Variants in PPFIA2 observed in about 807,000 individuals in gnomAD.
The protein encoded by PPFIA2 is liprin-alpha-2.
A neutral mutation model predicts 175.5 loss-of-function variants in PPFIA2; 46 were observed. That is an observed-to-expected ratio of 0.26 (90% CI 0.21 to 0.34). PPFIA2 has a LOEUF of 0.34. PPFIA2 is among the 10% of genes least tolerant of loss of function. The pLI is 1.00. For missense variants in PPFIA2, 1,179 were observed against 1,506.1 expected, an observed-to-expected ratio of 0.78 and a Z score of 3.60; for synonymous variants, 568 against 511.4, an observed-to-expected ratio of 1.11 and a Z score of -1.49.
chr12:81,267,804 G>A (rs73350726), intron 29 of PPFIA2, 108 bp downstream of exon 29: 24,432 of 899,040 alleles, frequency 0.027, 723 homozygotes, highest in African/African-American at 0.14. Flanking sequence ...CAAACATTGA[G>A]TTAACTTTCA....
intron 5 of PPFIA2, among the ~76,000 whole-genome samples, chr12:81,456,051 G>C (rs2053522617): frequency 6.6e-6 from 1 of 152,266 alleles, no homozygotes; most frequent in South Asian, 2.1e-4. Flanking sequence ...CCAAAGCTTT[G>C]TATTTCCCTG....
In PPFIA2 at chr12:81,266,912, T is replaced by C. The variant is rs765975483; in HGVS notation, c.3555+40A>G. ...ACAAAGATGTTCTATCATTTTTCTT[T>C]TACTCTCTCAGATCTCTTTTGAATA... On this transcript the variant is annotated intron_variant, in intron 30 of 32. Coordinates refer to ENST00000549396, the MANE Select transcript of PPFIA2 (RefSeq NM_003625.5). The C allele has an allele frequency of 5.6e-6, 8 of 1,441,080 alleles. No individual in the cohort carries two copies. The South Asian group carries it at 8.2e-5, about 15-fold the overall frequency. 89.3% of individuals were successfully genotyped at this position (1,441,080 alleles called of 1,614,324 possible).
chr12:81,444,569 A>T (rs2050867796), intron 6 of PPFIA2, among the ~76,000 whole-genome samples: 1 of 152,156 alleles, frequency 6.6e-6, no homozygotes, highest in South Asian at 2.1e-4. Context: ...TAAAAATGAG[A>T]TACAATTTCT....
At chr12:81,551,630 G>T (rs1312447676) in intron 4 of PPFIA2, among the ~76,000 whole-genome samples, 1 of 151,884 alleles carries the variant, frequency 6.6e-6, no homozygotes, top group Non-Finnish European at 1.5e-5. Context: ...ACCCCCCATG[G>T]ATAGCAAAGG....
intron 15 of PPFIA2, among the ~76,000 whole-genome samples, chr12:81,359,199 T>G (rs2141127157): frequency 6.6e-6 from 1 of 152,166 alleles, no homozygotes; most frequent in African/African-American, 2.4e-5. Flanking sequence ...ATACTCTCTT[T>G]TTCAGTTATT....
chr12:81,420,860 G>A (rs181161136), intron 7 of PPFIA2, among the ~76,000 whole-genome samples: 20 of 151,818 alleles, frequency 1.3e-4, no homozygotes, highest in Non-Finnish European at 2.2e-4. Flanking sequence ...ACACTGCACC[G>A]AGACAAATTA....
chr12:81,534,687 A>T (rs2065128044), intron 4 of PPFIA2, among the ~76,000 whole-genome samples: 1 of 151,786 alleles, frequency 6.6e-6, no homozygotes, highest in Non-Finnish European at 1.5e-5. Context: ...AAACAACCCA[A>T]GCACACTTGA....
chr12:81,656,648 C>T (rs1212992708), intron 4 of PPFIA2, among the ~76,000 whole-genome samples: 1 of 151,812 alleles, frequency 6.6e-6, no homozygotes, highest in African/African-American at 2.4e-5. Flanking sequence ...AAGTTCTCAC[C>T]ATGCTTCAAT....
At chr12:81,514,503 T>C (rs190202235) in intron 4 of PPFIA2, among the ~76,000 whole-genome samples, 1 of 152,044 alleles carries the variant, frequency 6.6e-6, no homozygotes, top group Admixed American at 6.6e-5. Context: ...TAAGAGTGCT[T>C]TTTTTAAAAT....
At chr12:81,563,709 G>A (rs1170850539) in intron 4 of PPFIA2, among the ~76,000 whole-genome samples, 1 of 152,126 alleles carries the variant, frequency 6.6e-6, no homozygotes. Context: ...AAATATAAAT[G>A]ACTTAAATCT....
intron 4 of PPFIA2, among the ~76,000 whole-genome samples, chr12:81,604,737 T>C (rs1292382873): frequency 6.6e-6 from 1 of 151,694 alleles, no homozygotes; most frequent in Non-Finnish European, 1.5e-5. Flanking sequence ...GACAGACCAC[T>C]ACCAAAAATT....
intron 4 of PPFIA2, among the ~76,000 whole-genome samples, chr12:81,667,269 T>C (rs777546511): frequency 6.6e-6 from 1 of 152,152 alleles, no homozygotes; most frequent in Non-Finnish European, 1.5e-5. Context: ...TTTATCACTT[T>C]GTTGAAGGAG....
intron 4 of PPFIA2, among the ~76,000 whole-genome samples, chr12:81,641,545 T>A (rs1315183359): frequency 6.6e-6 from 1 of 152,104 alleles, no homozygotes; most frequent in Non-Finnish European, 1.5e-5. Flanking sequence ...CTGCTCTCAG[T>A]CTGGAGCCAC....
chr12:81,629,077 A>T (rs942846657), intron 4 of PPFIA2, among the ~76,000 whole-genome samples: 13 of 152,172 alleles, frequency 8.5e-5, no homozygotes, highest in Non-Finnish European at 1.6e-4. Flanking sequence ...ATAAGGTAAA[A>T]CCAGCTCAGT....
Position 81,295,041 on chromosome 12 carries a change from A to G in PPFIA2, c.2725-6T>C. The G allele has an allele frequency of 1.2e-6, 2 of 1,610,558 alleles. No homozygotes were observed. Among genetic ancestry groups the G allele is most frequent in the Non-Finnish European group, 8.5e-7 (1 of 1,178,884 alleles). ...GCAGGCATTCCCAACCAAAGCTGTT[A>G]GATAGGAAAAAATACACTAACAAAT... On this transcript the variant is annotated splice_region_variant and splice_polypyrimidine_tract_variant and intron_variant, in intron 23 of 32. Transcript: ENST00000549396.
intron 4 of PPFIA2, among the ~76,000 whole-genome samples, chr12:81,550,468 G>C (rs534484483): frequency 2.6e-5 from 4 of 152,132 alleles, no homozygotes; most frequent in African/African-American, 9.6e-5. Context: ...CAATTAGACA[G>C]AAGGTAGGGG....
chr12:81,618,959 A>G (rs941225683), intron 4 of PPFIA2, among the ~76,000 whole-genome samples: 2 of 150,342 alleles, frequency 1.3e-5, no homozygotes, highest in Non-Finnish European at 3.0e-5. Context: ...TTGGAATACA[A>G]TTCAAAGGAC....
At chr12:81,312,357 G>A (rs1479022578) in intron 22 of PPFIA2, 7 of 600,830 alleles carry the variant, frequency 1.2e-5, no homozygotes, top group African/African-American at 1.9e-5. Flanking sequence ...GCGTCGAAAA[G>A]CATAGTCAGG....
intron 5 of PPFIA2, among the ~76,000 whole-genome samples, chr12:81,450,979 T>C (rs1054996434): frequency 1.3e-5 from 2 of 152,160 alleles, no homozygotes; most frequent in Non-Finnish European, 2.9e-5. Context: ...AGTTTCTTTC[T>C]TGGAATAGCT....
Sources: gnomAD v4.1 joint callset for allele counts (sites outside exome capture counted in the v4.1 genomes callset) on GRCh38, gnomAD v4.1.1 for gene constraint, MANE v1.5 for transcripts, NCBI Gene and HGNC (gene_info 2026-07-23, HGNC 2026-07-21) for gene names.